Variants in SUCLG2 observed in about 807,000 individuals in gnomAD.
SUCLG2 encodes succinate--CoA ligase [GDP-forming] subunit beta, mitochondrial.
Under a neutral mutation model 47.9 loss-of-function variants are expected in SUCLG2, and 42 were observed. The ratio of observed to expected loss-of-function variants is 0.88; its 90% CI spans 0.69 to 1.14. SUCLG2 has a LOEUF of 1.14. SUCLG2 is among the 50% of genes most tolerant of loss of function. The pLI is 0.00. For synonymous variants in SUCLG2, 195 were observed against 197.3 expected, an observed-to-expected ratio of 0.99 and a Z score of 0.10; for missense variants, 571 against 525.9, an observed-to-expected ratio of 1.09 and a Z score of -0.84.
At chr3:67,410,755 A>G (rs1261790656) in intron 9 of SUCLG2, among the ~76,000 whole-genome samples, 1 of 152,224 alleles carries the variant, frequency 6.6e-6, no homozygotes, top group African/African-American at 2.4e-5. Flanking sequence ...TTAAAAAAAG[A>G]GTCATATAAT....
At chr3:67,626,595 AAGG>A (rs2107344471) in intron 1 of SUCLG2, among the ~76,000 whole-genome samples, 1 of 152,212 alleles carries the variant, frequency 6.6e-6, no homozygotes, top group South Asian at 2.1e-4. Flanking sequence ...GAAAAAGTTG[AAGG>A]AGGACATAGC....
chr3:67,404,149 G>A (rs1242479012), intron 9 of SUCLG2, among the ~76,000 whole-genome samples: 1 of 152,192 alleles, frequency 6.6e-6, no homozygotes, highest in Non-Finnish European at 1.5e-5. Context: ...CTCCCAAAGT[G>A]TTGGGATTAC....
At chr3:67,384,522 G>A (rs779156992) in intron 10 of SUCLG2, among the ~76,000 whole-genome samples, 1 of 152,198 alleles carries the variant, frequency 6.6e-6, no homozygotes, top group Admixed American at 6.5e-5. Context: ...CTAAAATCCT[G>A]CCCTTTACAG....
intron 9 of SUCLG2, among the ~76,000 whole-genome samples, chr3:67,442,734 C>T (rs1703803299): frequency 6.6e-6 from 1 of 152,182 alleles, no homozygotes; most frequent in African/African-American, 2.4e-5. Context: ...ATTTTTTAAT[C>T]AACTGCTTGG....
At chr3:67,416,983 A>G (rs917598297) in intron 9 of SUCLG2, among the ~76,000 whole-genome samples, 2 of 152,184 alleles carry the variant, frequency 1.3e-5, no homozygotes, top group Non-Finnish European at 2.9e-5. Flanking sequence ...TATTCCTACC[A>G]TTCAAAAGTG....
intron 9 of SUCLG2, among the ~76,000 whole-genome samples, chr3:67,483,996 T>C (rs1704984566): frequency 6.6e-6 from 1 of 152,144 alleles, no homozygotes; most frequent in Non-Finnish European, 1.5e-5. Context: ...TAGTGTGGGA[T>C]TGGTGGTACT....
intron 10 of SUCLG2, among the ~76,000 whole-genome samples, chr3:67,382,532 T>G (rs868061992): frequency 6.6e-6 from 1 of 152,214 alleles, no homozygotes; most frequent in African/African-American, 2.4e-5. Flanking sequence ...TTGGGCAAAA[T>G]TGAGCCAGCT....
chr3:67,366,237 G>A (rs370635599), intron 10 of SUCLG2, among the ~76,000 whole-genome samples: 2 of 152,082 alleles, frequency 1.3e-5, no homozygotes, highest in Non-Finnish European at 1.5e-5. Flanking sequence ...TGAGGCAGGC[G>A]GATCATGAGG....
At chr3:67,613,921 G>A (rs1700577885) in intron 1 of SUCLG2, among the ~76,000 whole-genome samples, 1 of 152,140 alleles carries the variant, frequency 6.6e-6, no homozygotes, top group East Asian at 1.9e-4. Context: ...AGTCTACCAG[G>A]AATAGGACTT....
intron 2 of SUCLG2, among the ~76,000 whole-genome samples, chr3:67,598,780 G>C (rs1484651567): frequency 6.6e-6 from 1 of 152,152 alleles, no homozygotes; most frequent in African/African-American, 2.4e-5. Flanking sequence ...AGACTGTTAA[G>C]GCCTAGATCA....
At chr3:67,360,942 GTCTC>G (rs929578075) in intron 10 of SUCLG2, among the ~76,000 whole-genome samples, 1 of 152,022 alleles carries the variant, frequency 6.6e-6, no homozygotes, top group Non-Finnish European at 1.5e-5. Flanking sequence ...TTTTTTCCCT[GTCTC>G]TCTCTCGTTT....
chr3:67,440,583 C>A (rs1169245771), intron 9 of SUCLG2, among the ~76,000 whole-genome samples: 5 of 152,176 alleles, frequency 3.3e-5, no homozygotes, highest in Non-Finnish European at 7.3e-5. Flanking sequence ...TGAACAGACA[C>A]TTCTCAAAAG....
intron 2 of SUCLG2, among the ~76,000 whole-genome samples, chr3:67,529,611 G>C (rs1409903403): frequency 1.3e-5 from 2 of 152,174 alleles, no homozygotes; most frequent in African/African-American, 4.8e-5. Flanking sequence ...ATTATGCGGG[G>C]GAAGGTTTAA....
At chr3:67,458,501 A>C (rs1164075484) in intron 9 of SUCLG2, among the ~76,000 whole-genome samples, 1 of 152,190 alleles carries the variant, frequency 6.6e-6, no homozygotes, top group African/African-American at 2.4e-5. Context: ...ATTTCCTATT[A>C]CTGACTGTGT....
chr3:67,528,272 T>G (rs2107145597), intron 3 of SUCLG2, 50 bp from the exon 4 acceptor site: 2 of 1,549,780 alleles, frequency 1.3e-6, no homozygotes, highest in Non-Finnish European at 8.9e-7. Flanking sequence ...TGAAAATCAT[T>G]TAAATGAGAG....
chr3:67,610,224 T>A (rs539477364), intron 1 of SUCLG2, among the ~76,000 whole-genome samples: 6 of 152,314 alleles, frequency 3.9e-5, no homozygotes, highest in African/African-American at 1.4e-4. Flanking sequence ...GTAGGGCCAT[T>A]GTGTGTTTAA....
chr3:67,498,715 T>C (rs1257742057), intron 7 of SUCLG2, among the ~76,000 whole-genome samples: 3 of 152,202 alleles, frequency 2.0e-5, no homozygotes, highest in African/African-American at 7.2e-5. Context: ...TTGTCCCCTA[T>C]TGTCCTTTTC....
intron 2 of SUCLG2, among the ~76,000 whole-genome samples, chr3:67,575,963 A>C (rs1707730858): frequency 6.6e-6 from 1 of 152,216 alleles, no homozygotes; most frequent in African/African-American, 2.4e-5. Flanking sequence ...ACTTATCATC[A>C]GGCCATTCTT....
intron 4 of SUCLG2, among the ~76,000 whole-genome samples, 185 bp downstream of exon 4, chr3:67,527,947 T>C (rs1165967426): frequency 2.0e-5 from 3 of 152,238 alleles, no homozygotes; most frequent in Non-Finnish European, 4.4e-5. Context: ...ATTACTATCA[T>C]AGAGCCCTTT....
Sources: gnomAD v4.1 joint callset for allele counts (sites outside exome capture counted in the v4.1 genomes callset) on GRCh38, gnomAD v4.1.1 for gene constraint, MANE v1.5 for transcripts, NCBI Gene and HGNC (gene_info 2026-07-23, HGNC 2026-07-21) for gene names.